The following RPA2 variants were observed in gnomAD, a reference collection of about 807,000 sequenced individuals.
RPA2 encodes replication protein A 32 kDa subunit.
RPA2 carries 22 observed loss-of-function variants against 33.4 expected under a neutral mutation model. The ratio of observed to expected loss-of-function variants is 0.66; its 90% CI spans 0.47 to 0.94. RPA2 has a LOEUF of 0.94. Ranked by LOEUF, RPA2 falls within the 40% of genes least tolerant of loss-of-function variation. The pLI, the probability that RPA2 is intolerant of heterozygous loss-of-function variation, is 0.00. For synonymous variants in RPA2, 109 were observed against 114.9 expected, an observed-to-expected ratio of 0.95 and a Z score of 0.33; for missense variants, 279 against 329.9, an observed-to-expected ratio of 0.85 and a Z score of 1.19.
At chr1:27,900,112 A>G (rs537857057) in intron 4 of RPA2, among the ~76,000 whole-genome samples, 1 of 152,182 alleles carries the variant, frequency 6.6e-6, no homozygotes, top group South Asian at 2.1e-4. Context: ...CCCAGCTGAG[A>G]TTTATTTATT....
intron 4 of RPA2, among the ~76,000 whole-genome samples, chr1:27,899,322 C>T (rs558047626): frequency 6.6e-6 from 1 of 152,004 alleles, no homozygotes; most frequent in South Asian, 2.1e-4. Flanking sequence ...GCCTGGCTAA[C>T]AGGGAAACCC....
intron 4 of RPA2, among the ~76,000 whole-genome samples, chr1:27,900,581 T>C (rs1047649610): frequency 2.0e-5 from 3 of 151,686 alleles, no homozygotes; most frequent in African/African-American, 7.3e-5. Flanking sequence ...GTGGTGGAAA[T>C]AGCAGGAGAA....
chr1:27,892,125 C>T lies in RPA2; in HGVS notation c.*38G>A, dbSNP rs199863186. 2 of 1,536,356 alleles carry T rather than the reference C, an allele frequency of 1.3e-6. No homozygotes were observed. The highest frequency in any genetic ancestry group is 1.8e-6 in the Non-Finnish European group (2 of 1,111,186). Reference sequence around the variant, plus strand: ...GAGACAACAGATTGTGAAACTAGGTCCAGCTGTAAAATATCTCAGGTACCC... The same window carrying T: ...GAGACAACAGATTGTGAAACTAGGTTCAGCTGTAAAATATCTCAGGTACCC... On this transcript the variant is annotated 3_prime_UTR_variant, in exon 9 of 9. Coordinates refer to ENST00000373912, the MANE Select transcript of RPA2 (RefSeq NM_002946.5).
At chr1:27,892,609 C>T (rs1009019520) in intron 8 of RPA2, among the ~76,000 whole-genome samples, 1 of 152,192 alleles carries the variant, frequency 6.6e-6, no homozygotes, top group Non-Finnish European at 1.5e-5. Context: ...CTTTAAAAGT[C>T]CCCCTTTTCC....
In RPA2 at chr1:27,891,987, A is replaced by G. The variant is rs1353582412; in HGVS notation, c.*176T>C. 2 of 540,382 alleles carry G rather than the reference A, an allele frequency of 3.7e-6. No individual in the cohort carries two copies. Among genetic ancestry groups the G allele is most frequent in the Non-Finnish European group, 3.3e-6 (1 of 301,082 alleles). 33.5% of individuals were successfully genotyped at this position (540,382 alleles called of 1,614,324 possible). A position where few individuals can be genotyped will look rare whatever the true frequency, so the allele number is the denominator to read the frequency against. On this transcript the variant is annotated 3_prime_UTR_variant, in exon 9 of 9. Transcript: ENST00000373912. ...ATTGCCCATCTCCCTCTGAGCTTCA[A>G]ACAAAACAAAATAAAACAGAAGAGC...
intron 4 of RPA2, among the ~76,000 whole-genome samples, chr1:27,902,695 G>A (rs1420316238): frequency 6.6e-6 from 1 of 152,064 alleles, no homozygotes; most frequent in Non-Finnish European, 1.5e-5. Flanking sequence ...TGTAATCCCA[G>A]CACTTTGGGA....
chr1:27,913,587 C>CA (rs111823126), intron 2 of RPA2, among the ~76,000 whole-genome samples: 1,675 of 80,008 alleles, frequency 0.021, 21 homozygotes, highest in African/African-American at 0.047. Flanking sequence ...GGTTCCATCT[C>CA]AAAAAAAAAA....
intron 2 of RPA2, among the ~76,000 whole-genome samples, chr1:27,907,933 C>G (rs2090051343): frequency 6.6e-6 from 1 of 152,086 alleles, no homozygotes; most frequent in South Asian, 2.1e-4. Flanking sequence ...ACTGCAACCT[C>G]CGTCTCCCGG....
chr1:27,914,166 C>A lies in RPA2; in HGVS notation c.14G>T (p.Gly5Val). 6.2e-7 allele frequency: 1 copy of A among 1,613,814 alleles called. No homozygotes were observed. The highest frequency in any genetic ancestry group is 8.5e-7 in the Non-Finnish European group (1 of 1,179,952). The change falls in exon 2 of 9, where the codon GGA becomes GTA. Residue 5 changes from glycine to valine, a missense_variant. Around this residue, in one of 2 missense-constraint regions of RPA2, gnomAD observed 274 missense variants for 310.3 expected, o/e 0.88. Transcript: ENST00000373912. The part of the protein sequence containing the change: MWNS[G>V]FESYGSSSYG... ...TGAGGAGCTGCCATAGCTTTCGAAT[C>A]CACCTGTTTTGAACAACAGGATTAG...
chr1:27,901,246 AC>A (rs1322768384), intron 4 of RPA2, among the ~76,000 whole-genome samples: 1 of 151,924 alleles, frequency 6.6e-6, no homozygotes, highest in Non-Finnish European at 1.5e-5. Context: ...GCCAACTACC[AC>A]CCTCCTCAGT....
chr1:27,900,247 G>A (rs1420948658), intron 4 of RPA2, among the ~76,000 whole-genome samples: 4 of 152,126 alleles, frequency 2.6e-5, no homozygotes, highest in African/African-American at 7.2e-5. Context: ...GAGTAGCTGG[G>A]ATTACAGGCA....
intron 2 of RPA2, among the ~76,000 whole-genome samples, chr1:27,907,653 G>A (rs1443768608): frequency 6.6e-6 from 1 of 152,056 alleles, no homozygotes; most frequent in Non-Finnish European, 1.5e-5. Context: ...CTGCTGTTCA[G>A]GTCACTGACA....
At chr1:27,895,079 G>C (rs1244216345) in intron 6 of RPA2, among the ~76,000 whole-genome samples, 1 of 152,032 alleles carries the variant, frequency 6.6e-6, no homozygotes, top group South Asian at 2.1e-4. Context: ...CATTCTTCTG[G>C]TTCTCCATCT....
chr1:27,907,105 T>G, intron 3 of RPA2, 64 bp from the exon 4 acceptor site: 1 of 1,574,698 alleles, frequency 6.4e-7, no homozygotes, highest in Non-Finnish European at 8.6e-7. Flanking sequence ...AAGGCTACAT[T>G]TTTGTATTTT....
Position 27,898,976 on chromosome 1 carries a change from G to C in RPA2, c.334-1269C>G, listed in dbSNP as rs28905174. Among the ~76,000 whole-genome samples the C allele has an allele frequency of 4.8e-4, 73 of 152,304 alleles. 1 individual carries two copies. Among genetic ancestry groups the C allele is most frequent in the African/African-American group, 1.3e-3 (54 of 41,568 alleles). On this transcript the variant is annotated intron_variant, in intron 4 of 8. Transcript: ENST00000373912. ...TTATCCTAGCACTTTAGGAGGACAA[G>C]GCAGGAGGATCCTTCGAGCTCAGGA...
intron 2 of RPA2, among the ~76,000 whole-genome samples, chr1:27,913,774 T>A (rs1218468419): frequency 6.6e-6 from 1 of 151,762 alleles, no homozygotes; most frequent in Admixed American, 6.6e-5. Context: ...AAAAATAAAT[T>A]TAAAAACCAA....
At chr1:27,903,143 G>A (rs746810500) in intron 4 of RPA2, among the ~76,000 whole-genome samples, 23 of 152,024 alleles carry the variant, frequency 1.5e-4, no homozygotes, top group African/African-American at 4.1e-4. Flanking sequence ...TGGCGGTGCC[G>A]GTCTTGAACT....
intron 4 of RPA2, among the ~76,000 whole-genome samples, chr1:27,904,338 ATAG>A (rs943908685): frequency 1.3e-5 from 2 of 152,208 alleles, no homozygotes; most frequent in African/African-American, 4.8e-5. Context: ...ATGTGTCGTA[ATAG>A]TAGTTCTTTA....
At chr1:27,903,001 C>T (rs1557469585) in intron 4 of RPA2, among the ~76,000 whole-genome samples, 1 of 152,150 alleles carries the variant, frequency 6.6e-6, no homozygotes, top group Non-Finnish European at 1.5e-5. Flanking sequence ...ACGATCTTGG[C>T]TCACTGCAGT....
Sources: gnomAD v4.1 joint callset for allele counts (sites outside exome capture counted in the v4.1 genomes callset) on GRCh38, gnomAD v4.1.1 for gene constraint, gnomAD v4.1.1 regional missense constraint, MANE v1.5 for transcripts, NCBI Gene and HGNC (gene_info 2026-07-23, HGNC 2026-07-21) for gene names.